COL22A1: variants seen among roughly 807,000 people sequenced by gnomAD.
COL22A1 encodes collagen alpha-1(XXII) chain.
A neutral mutation model predicts 248.9 loss-of-function variants in COL22A1; 221 were observed. That is an observed-to-expected ratio of 0.89 (90% CI 0.80 to 0.99). The LOEUF (loss-of-function observed/expected upper bound fraction) is 0.99. Ranked by LOEUF, COL22A1 falls within the 50% of genes least tolerant of loss-of-function variation. The pLI, the probability that COL22A1 is intolerant of heterozygous loss-of-function variation, is 0.00. For synonymous variants in COL22A1, 891 were observed against 793.4 expected, an observed-to-expected ratio of 1.12 and a Z score of -2.07; for missense variants, 2,240 against 2,179.0, an observed-to-expected ratio of 1.03 and a Z score of -0.56.
chr8:138,689,009 A>G (rs770778686), intron 36 of COL22A1, 39 bp from the exon 37 acceptor site: 68 of 1,556,462 alleles, frequency 4.4e-5, no homozygotes, highest in Non-Finnish European at 5.9e-5. Context: ...GAATTTAAAG[A>G]TGACTGGTCA....
rs552433582 is a variant in COL22A1 at position 138,715,238 on chromosome 8, C to T, written c.2517+444G>A. On this transcript the variant is annotated intron_variant, in intron 30 of 64. Coordinates refer to ENST00000303045, the MANE Select transcript of COL22A1 (RefSeq NM_152888.3). ...CAAAAAGCAGCTGTGGAGTCATGAACGCAACTAAATTCTGCGGAAATGTAA... is the reference window on the plus strand; with the variant it reads ...CAAAAAGCAGCTGTGGAGTCATGAATGCAACTAAATTCTGCGGAAATGTAA... Among the ~76,000 whole-genome samples the T allele has an allele frequency of 5.3e-5, 8 of 152,208 alleles. No homozygotes were observed. The South Asian group carries it at 1.2e-3, about 24-fold the overall frequency.
intron 3 of COL22A1, among the ~76,000 whole-genome samples, chr8:138,864,901 G>A (rs534265166): frequency 2.6e-5 from 4 of 152,320 alleles, no homozygotes; most frequent in East Asian, 1.9e-4. Context: ...GAAAACACAC[G>A]TGGCATTGGG....
intron 47 of COL22A1, among the ~76,000 whole-genome samples, chr8:138,640,594 TTGTTCCATGG>T (rs1821597362): frequency 1.3e-5 from 2 of 152,134 alleles, no homozygotes; most frequent in African/African-American, 4.8e-5. Flanking sequence ...AGGTTACCCC[TTGTTCCATGG>T]TGTTAGTTTT....
intron 22 of COL22A1, among the ~76,000 whole-genome samples, chr8:138,747,644 T>C (rs537698657): frequency 6.6e-6 from 1 of 152,282 alleles, no homozygotes; most frequent in East Asian, 1.9e-4. Flanking sequence ...CATCACCTGC[T>C]TACATGCTAT....
rs980318447 is a variant in COL22A1, at chr8:138,883,189, G to C, written c.-17C>G. ...GCCGGCCATGGCTCTCCTGTTCTTG[G>C]GGACAGGCTTCTCTTGGCCAGGAAG... On this transcript the variant is annotated 5_prime_UTR_variant, in exon 2 of 65. Transcript: ENST00000303045. The C allele has an allele frequency of 2.0e-5, 32 of 1,563,380 alleles. No individual in the cohort carries two copies. Among genetic ancestry groups the C allele is most frequent in the Non-Finnish European group, 2.7e-5 (31 of 1,153,492 alleles).
At chr8:138,640,582 A>T (rs1258163871) in intron 47 of COL22A1, among the ~76,000 whole-genome samples, 1 of 152,056 alleles carries the variant, frequency 6.6e-6, no homozygotes, top group African/African-American at 2.4e-5. Context: ...GGTGGCCTTC[A>T]CAGGTTACCC....
intron 22 of COL22A1, among the ~76,000 whole-genome samples, chr8:138,740,126 C>T (rs1012342584): frequency 9.9e-5 from 15 of 152,168 alleles, no homozygotes; most frequent in Admixed American, 1.3e-4. Flanking sequence ...GACAGACACC[C>T]CCTCCAGTTG....
chr8:138,859,869 C>T (rs1822322637), intron 3 of COL22A1, among the ~76,000 whole-genome samples: 1 of 146,192 alleles, frequency 6.8e-6, no homozygotes, highest in Non-Finnish European at 1.5e-5. Context: ...CCCATCCCCG[C>T]ACCTTGAGAG....
intron 22 of COL22A1, among the ~76,000 whole-genome samples, chr8:138,750,425 C>T (rs1032292165): frequency 7.9e-5 from 12 of 152,122 alleles, no homozygotes; most frequent in East Asian, 1.9e-4. Flanking sequence ...TCAGAGTCGG[C>T]GCTGAATGAG....
chr8:138,644,669 C>T (rs927285387), intron 47 of COL22A1, among the ~76,000 whole-genome samples: 6 of 152,170 alleles, frequency 3.9e-5, no homozygotes, highest in Non-Finnish European at 8.8e-5. Flanking sequence ...TTGGATCATG[C>T]TAATGCTGCC....
intron 3 of COL22A1, among the ~76,000 whole-genome samples, chr8:138,844,642 G>A (rs1247222848): frequency 1.3e-5 from 2 of 152,148 alleles, no homozygotes; most frequent in Admixed American, 1.3e-4. Flanking sequence ...CAGGCAGAGG[G>A]AACCTCATTT....
At chr8:138,708,921 G>A (rs1828710068) in intron 30 of COL22A1, among the ~76,000 whole-genome samples, 1 of 139,784 alleles carries the variant, frequency 7.2e-6, no homozygotes, top group Admixed American at 7.7e-5. Flanking sequence ...AATCTACAAA[G>A]AACTTAAACA....
chr8:138,793,902 G>A (rs1816273974), intron 12 of COL22A1, among the ~76,000 whole-genome samples: 1 of 152,176 alleles, frequency 6.6e-6, no homozygotes, highest in Non-Finnish European at 1.5e-5. Flanking sequence ...AGGAAAGGCT[G>A]GTCCCAGAGG....
chr8:138,700,170 A>C (rs759824485), intron 31 of COL22A1, 26 bp from the exon 32 acceptor site: 2 of 1,611,714 alleles, frequency 1.2e-6, no homozygotes, highest in South Asian at 2.2e-5. Context: ...CAGAGATTAG[A>C]AAGATGGGCA....
chr8:138,716,391 T>G, intron 28 of COL22A1, 102 bp from the exon 29 acceptor site: 1 of 788,150 alleles, frequency 1.3e-6, no homozygotes, highest in South Asian at 1.8e-5. Context: ...GAACTGGAGA[T>G]GTTCTGGCTT....
rs1324400525 is a variant in COL22A1, at chr8:138,694,881, T to C, written c.2593-2A>G. ...CTCTCCTTTGGGCCCTTGTTCTCCC[T>C]GTTGGTGAGAAGCATAGGGTAGAGT... On this transcript the variant is annotated splice_acceptor_variant, in intron 32 of 64. Coordinates refer to ENST00000303045, the MANE Select transcript of COL22A1 (RefSeq NM_152888.3). LOFTEE classifies it high-confidence loss of function. 3 of 1,613,826 alleles carry C rather than the reference T, an allele frequency of 1.9e-6. No individual in the cohort carries two copies. Among genetic ancestry groups the C allele is most frequent in the Non-Finnish European group, 2.5e-6 (3 of 1,179,900 alleles).
chr8:138,667,773 C>T (rs192690984), intron 41 of COL22A1, among the ~76,000 whole-genome samples: 8 of 152,100 alleles, frequency 5.3e-5, no homozygotes, highest in African/African-American at 7.2e-5. Context: ...CTAATTGGTA[C>T]GAGCATTAGA....
At chr8:138,743,842 A>G (rs879382593) in intron 22 of COL22A1, among the ~76,000 whole-genome samples, 17 of 152,276 alleles carry the variant, frequency 1.1e-4, no homozygotes, top group Non-Finnish European at 2.2e-4. Flanking sequence ...CTGTCTGCCC[A>G]TGGAGAGGAA....
chr8:138,622,222 A>G (rs547406894), intron 52 of COL22A1, among the ~76,000 whole-genome samples: 1 of 152,324 alleles, frequency 6.6e-6, no homozygotes, highest in South Asian at 2.1e-4. Context: ...AAAATCATTG[A>G]CAGTTAGATA....
Sources: gnomAD v4.1 joint callset for allele counts (sites outside exome capture counted in the v4.1 genomes callset) on GRCh38, gnomAD v4.1.1 for gene constraint, MANE v1.5 for transcripts, NCBI Gene and HGNC (gene_info 2026-07-23, HGNC 2026-07-21) for gene names.